The following LIMA1 variants were observed in gnomAD, a reference collection of about 807,000 sequenced individuals.
The protein encoded by LIMA1 is LIM domain and actin binding 1, also known as LIM domain and actin-binding protein 1.
Under a neutral mutation model 62.6 loss-of-function variants are expected in LIMA1, and 52 were observed. The ratio of observed to expected loss-of-function variants is 0.83; its 90% CI spans 0.67 to 1.05. LIMA1 has a LOEUF of 1.05. Among genes scored for constraint, LIMA1 ranks in the 50% least tolerant of loss-of-function variants. The pLI is 0.00. For missense variants in LIMA1, 780 were observed against 902.2 expected, an observed-to-expected ratio of 0.86 and a Z score of 1.74; for synonymous variants, 302 against 317.8, an observed-to-expected ratio of 0.95 and a Z score of 0.53.
intron 2 of LIMA1, among the ~76,000 whole-genome samples, chr12:50,243,919 C>A (rs1175340271): frequency 6.8e-6 from 1 of 147,272 alleles, no homozygotes; most frequent in Non-Finnish European, 1.5e-5. Context: ...TTATATATTT[C>A]TTTTTTTTTT....
At chr12:50,263,136 C>CT (rs1013365245) in intron 1 of LIMA1, among the ~76,000 whole-genome samples, 4 of 152,028 alleles carry the variant, frequency 2.6e-5, no homozygotes, top group Non-Finnish European at 5.9e-5. Context: ...TATTCTCATT[C>CT]TTTTTTTTCC....
chr12:50,262,267 GGGAAAA>G (rs1942081338), intron 1 of LIMA1, among the ~76,000 whole-genome samples: 1 of 152,068 alleles, frequency 6.6e-6, no homozygotes, highest in Non-Finnish European at 1.5e-5. Flanking sequence ...GAAATAAAGG[GGGAAAA>G]ACACTTAATT....
chr12:50,178,124 T>C (rs1399354331), intron 10 of LIMA1, 55 bp from the exon 11 acceptor site: 1 of 1,324,878 alleles, frequency 7.5e-7, no homozygotes, highest in African/African-American at 1.5e-5. Flanking sequence ...TTCTCACTTA[T>C]ACCAGGAGGC....
chr12:50,201,590 C>G, intron 6 of LIMA1: 3 of 906,940 alleles, frequency 3.3e-6, no homozygotes, highest in Non-Finnish European at 4.0e-6. Context: ...ATTAACTCAT[C>G]TATTACATCT....
In LIMA1 at chr12:50,272,587, C is replaced by T. The variant is rs201370988; in HGVS notation, c.-24+10833G>A. Reference sequence around the variant, plus strand: ...AGCCTGGGCAACAAGAGCGAAACTCCGTCTCAAAAAAAAAAAAAAAAAATC... The same window carrying T: ...AGCCTGGGCAACAAGAGCGAAACTCTGTCTCAAAAAAAAAAAAAAAAAATC... On this transcript the variant is annotated intron_variant, in intron 1 of 10. Coordinates refer to ENST00000341247, the MANE Select transcript of LIMA1 (RefSeq NM_016357.5). 1.2e-3 allele frequency among the ~76,000 whole-genome samples: 153 copies of T among 126,914 alleles called. 3 individuals are homozygous for T. In the East Asian group the frequency reaches 0.031, roughly 25 times the overall value. 83.3% of individuals were successfully genotyped at this position (126,914 alleles called of 152,430 possible).
chr12:50,275,700 A>G (rs1273419435), intron 1 of LIMA1, among the ~76,000 whole-genome samples: 1 of 152,206 alleles, frequency 6.6e-6, no homozygotes. Context: ...AGGCTGTGGT[A>G]ACTGCATGAG....
chr12:50,201,198 C>A, intron 6 of LIMA1: 1 of 1,074,124 alleles, frequency 9.3e-7, no homozygotes, highest in East Asian at 8.4e-5. Flanking sequence ...ACTCTTCTAG[C>A]AGCAGAGCTT....
Position 50,192,471 on chromosome 12 carries a change from G to C in LIMA1, c.1121C>G (p.Ser374Cys). ...DSRASSLSESSPPKAMKKFQA... is the reference protein window; with the variant it reads ...DSRASSLSESCPPKAMKKFQA... ...TCATACCTTCATTGCTTTGGGAGGA[G>C]AACTTTCAGAAAGACTGGAGGCTCT... The change falls in exon 9 of 11, where the codon TCT (serine) becomes TGT (cysteine). Residue 374 changes from serine (S) to cysteine (C), a missense_variant. Ser to Cys is a moderately radical substitution (Grantham distance 112). Coordinates refer to ENST00000341247, the MANE Select transcript of LIMA1 (RefSeq NM_016357.5). 1 of 1,612,968 alleles carries C rather than the reference G, an allele frequency of 6.2e-7. No individual in the cohort carries two copies. Among genetic ancestry groups the C allele is most frequent in the Non-Finnish European group, 8.5e-7 (1 of 1,178,938 alleles).
chr12:50,243,352 T>C (rs958857792), intron 2 of LIMA1, among the ~76,000 whole-genome samples: 7 of 152,214 alleles, frequency 4.6e-5, no homozygotes, highest in Non-Finnish European at 8.8e-5. Context: ...TAGGCTTGTA[T>C]AGGACTCACT....
intron 1 of LIMA1, among the ~76,000 whole-genome samples, chr12:50,269,502 T>C (rs776762337): frequency 1.3e-5 from 2 of 152,092 alleles, no homozygotes; most frequent in Admixed American, 6.5e-5. Flanking sequence ...AAAGAGAATA[T>C]CTCTAATGTA....
At chr12:50,193,574 T>TC (rs1940843105) in intron 8 of LIMA1, among the ~76,000 whole-genome samples, 3 of 136,000 alleles carry the variant, frequency 2.2e-5, no homozygotes, top group African/African-American at 8.5e-5. Flanking sequence ...ATATATGATA[T>TC]ATATATACAT....
At position 50,177,391 on chromosome 12, in the gene LIMA1, T is replaced by G. The variant is rs777871763; in HGVS notation, c.1953A>C (p.Thr651=). 2 of 1,614,226 alleles carry G rather than the reference T, an allele frequency of 1.2e-6. No individual in the cohort carries two copies. Among genetic ancestry groups the G allele is most frequent in the Non-Finnish European group, 8.5e-7 (1 of 1,180,048 alleles). ...CTTTAGATTCTTTGTTTTGCCAGGT[T>G]GTTTTTCCCACATTCCCATTCTTCT... The part of the protein sequence containing the change: ...ASKKNGNVGK[T]TWQNKESKGE... The change falls in exon 11 of 11, where the codon ACA becomes ACC. Residue 651 remains threonine, a synonymous_variant. Coordinates refer to ENST00000341247, the MANE Select transcript of LIMA1 (RefSeq NM_016357.5).
intron 2 of LIMA1, among the ~76,000 whole-genome samples, chr12:50,243,621 C>G (rs958968339): frequency 9.2e-5 from 14 of 152,178 alleles, no homozygotes; most frequent in Admixed American, 7.2e-4. Flanking sequence ...CTGGTTTTCA[C>G]TCCTTTCAGT....
chr12:50,213,445 G>C (rs1021406299), intron 4 of LIMA1, among the ~76,000 whole-genome samples: 7 of 152,250 alleles, frequency 4.6e-5, no homozygotes, highest in Admixed American at 2.6e-4. Flanking sequence ...ATGCCATGGG[G>C]CATATCAATT....
In LIMA1 at chr12:50,272,609, A is replaced by C. The variant is rs78068389; in HGVS notation, c.-24+10811T>G. Among the ~76,000 whole-genome samples, 4 of 151,600 alleles carry C rather than the reference A, an allele frequency of 2.6e-5. No homozygotes were observed. In the East Asian group the frequency reaches 7.8e-4, roughly 30 times the overall value. ...CTCCGTCTCAAAAAAAAAAAAAAAAAATCTGAGCAGCTACCACGTAACAAT... is the reference window on the plus strand; with the variant it reads ...CTCCGTCTCAAAAAAAAAAAAAAAACATCTGAGCAGCTACCACGTAACAAT... On this transcript the variant is annotated intron_variant, in intron 1 of 10. Coordinates refer to ENST00000341247, the MANE Select transcript of LIMA1 (RefSeq NM_016357.5).
rs185294471 is a variant in LIMA1, at chr12:50,254,787, C to T, written c.-23-6013G>A. On this transcript the variant is annotated intron_variant, in intron 1 of 10. Transcript: ENST00000341247. ...AGGCTTGGACAAAAACAGCCGGGCG[C>T]GGTGGCTTATGCCTGTAATCCCAGC... 3.2e-3 allele frequency among the ~76,000 whole-genome samples: 487 copies of T among 152,220 alleles called. 2 individuals are homozygous for T. Among genetic ancestry groups the T allele is most frequent in the African/African-American group, 0.011 (469 of 41,522 alleles).
At chr12:50,217,763 CTG>C in intron 4 of LIMA1, 1 of 336,070 alleles carries the variant, frequency 3.0e-6, no homozygotes, top group South Asian at 2.7e-5. Context: ...GACTACCGTG[CTG>C]TGAATGGCAC....
intron 9 of LIMA1, chr12:50,187,800 T>G (rs1940663116): frequency 6.6e-6 from 1 of 152,314 alleles, no homozygotes. Flanking sequence ...GACTTGGTTG[T>G]CCCGTACACA....
rs749239774 is a variant in LIMA1 at position 50,177,978 on chromosome 12, A to G, written c.1366T>C (p.Phe456Leu). The change falls in exon 11 of 11, where the codon TTT becomes CTT. Residue 456 changes from phenylalanine (F) to leucine (L), a missense_variant. Coordinates refer to ENST00000341247, the MANE Select transcript of LIMA1 (RefSeq NM_016357.5). ...AGATCCTTGTGTGGTCTGTGCCCAA[A>G]GCCTTCATCATAGTTGCCCTTAGAT... ...FKSKGNYDEG[F>L]GHRPHKDLWA... 7.5e-6 allele frequency: 12 copies of G among 1,607,702 alleles called. No individual in the cohort carries two copies. The South Asian group carries it at 1.3e-4, about 18-fold the overall frequency.
Sources: gnomAD v4.1 joint callset for allele counts (sites outside exome capture counted in the v4.1 genomes callset) on GRCh38, gnomAD v4.1.1 for gene constraint, MANE v1.5 for transcripts, NCBI Gene and HGNC (gene_info 2026-07-23, HGNC 2026-07-21) for gene names.